The following FRMD4B variants were observed in gnomAD, a reference collection of about 807,000 sequenced individuals.
FRMD4B encodes FERM domain containing 4B.
FRMD4B carries 74 observed loss-of-function variants against 141.5 expected under a neutral mutation model. The ratio of observed to expected loss-of-function variants is 0.52; its 90% CI spans 0.43 to 0.63. The LOEUF (loss-of-function observed/expected upper bound fraction) is 0.63. Ranked by LOEUF, FRMD4B falls within the 30% of genes least tolerant of loss-of-function variation. The pLI, the probability that FRMD4B is intolerant of heterozygous loss-of-function variation, is 0.00. For synonymous variants in FRMD4B, 506 were observed against 467.9 expected (o/e 1.08, Z -1.05); for missense variants, 1,366 against 1,253.4 (o/e 1.09, Z -1.36).
chr3:69,473,597 A>G (rs188070656), intron 1 of FRMD4B, among the ~76,000 whole-genome samples: 37 of 152,260 alleles, frequency 2.4e-4, no homozygotes, highest in South Asian at 6.2e-4. Flanking sequence ...ATCCAAGTAT[A>G]TATACTTTTA....
chr3:69,216,275 C>A lies in FRMD4B; in HGVS notation c.864G>T (p.Val288=). The A allele has an allele frequency of 6.5e-7, 1 of 1,546,092 alleles. No homozygotes were observed. Among genetic ancestry groups the A allele is most frequent in the Non-Finnish European group, 8.9e-7 (1 of 1,128,690 alleles). ...GATCCACACTTACCTTCCGAGGCTT[C>A]ACCTTGTCTTGTATATCATATTGGC... is the stretch of plus-strand genomic sequence containing the variant. ...GIGQYDIQDK[V]KPRKLFQWKQ... Residue 288 remains valine (V), a synonymous_variant, in exon 11 of 23, where the codon GTG becomes GTT. Coordinates refer to ENST00000398540, the MANE Select transcript of FRMD4B (RefSeq NM_015123.3).
At chr3:69,418,757 G>C (rs1306361995) in intron 2 of FRMD4B, among the ~76,000 whole-genome samples, 1 of 152,096 alleles carries the variant, frequency 6.6e-6, no homozygotes, top group Non-Finnish European at 1.5e-5. Flanking sequence ...CTTAATTTCA[G>C]CCTGGTAAGA....
chr3:69,427,956 GC>G (rs1705115088), intron 2 of FRMD4B, among the ~76,000 whole-genome samples: 1 of 152,026 alleles, frequency 6.6e-6, no homozygotes, highest in Non-Finnish European at 1.5e-5. Flanking sequence ...ACCACGCCCA[GC>G]CAAGAAGCTA....
intron 1 of FRMD4B, among the ~76,000 whole-genome samples, chr3:69,533,053 G>A (rs1444667373): frequency 6.6e-6 from 1 of 152,218 alleles, no homozygotes; most frequent in Non-Finnish European, 1.5e-5. Flanking sequence ...TTGAGGGGCA[G>A]TTTTACAATG....
At chr3:69,385,236 T>G (rs1264619992) in intron 1 of FRMD4B, among the ~76,000 whole-genome samples, 1 of 152,082 alleles carries the variant, frequency 6.6e-6, no homozygotes, top group Non-Finnish European at 1.5e-5. Flanking sequence ...TTCCAACGTG[T>G]AGCCGGGCCA....
intron 1 of FRMD4B, among the ~76,000 whole-genome samples, chr3:69,499,025 T>C (rs1706449949): frequency 6.6e-6 from 1 of 152,196 alleles, no homozygotes; most frequent in Non-Finnish European, 1.5e-5. Context: ...TTAGAAAGGA[T>C]ACTTGTTAAT....
chr3:69,249,971 C>T, intron 6 of FRMD4B, 72 bp downstream of exon 6: 2 of 979,000 alleles, frequency 2.0e-6, no homozygotes, highest in East Asian at 2.4e-5. Context: ...GCAAAAGTTT[C>T]AGAGTTGCAG....
At chr3:69,529,587 G>A (rs1336579933) in intron 1 of FRMD4B, among the ~76,000 whole-genome samples, 1 of 152,092 alleles carries the variant, frequency 6.6e-6, no homozygotes, top group Non-Finnish European at 1.5e-5. Flanking sequence ...AAGGGCAGGA[G>A]CCTTATCCCT....
intron 5 of FRMD4B, among the ~76,000 whole-genome samples, chr3:69,278,721 G>C (rs1245665771): frequency 1.3e-5 from 2 of 152,182 alleles, no homozygotes; most frequent in Non-Finnish European, 2.9e-5. Context: ...GAAGTAGCTG[G>C]GACTACAGGC....
intron 4 of FRMD4B, among the ~76,000 whole-genome samples, chr3:69,301,705 G>A (rs1037286831): frequency 6.6e-6 from 1 of 152,208 alleles, no homozygotes; most frequent in Admixed American, 6.5e-5. Flanking sequence ...AGATGGATTT[G>A]AGAAATTACT....
Position 69,377,499 on chromosome 3 carries a change from C to A in FRMD4B, c.162+8329G>T, listed in dbSNP as rs111657026. 5.8e-4 allele frequency among the ~76,000 whole-genome samples: 88 copies of A among 152,292 alleles called. 2 individuals are homozygous for A. Among genetic ancestry groups the A allele is most frequent in the Middle Eastern group, 6.8e-3 (2 of 294 alleles). On this transcript the variant is annotated intron_variant, in intron 1 of 22. Transcript: ENST00000398540. Reference sequence around the variant, plus strand: ...TCCTAGCACCTGTTGGGGAGGCACCCGTAGAAGGTGCTTGATGTGTTGCCC... The same window carrying A: ...TCCTAGCACCTGTTGGGGAGGCACCAGTAGAAGGTGCTTGATGTGTTGCCC...
chr3:69,368,309 C>T (rs1703726020), intron 1 of FRMD4B, among the ~76,000 whole-genome samples: 1 of 152,202 alleles, frequency 6.6e-6, no homozygotes, highest in Non-Finnish European at 1.5e-5. Flanking sequence ...CTCCAATATC[C>T]TTAGCTCCCA....
chr3:69,413,947 T>G (rs1461398837), intron 2 of FRMD4B, among the ~76,000 whole-genome samples: 1 of 152,222 alleles, frequency 6.6e-6, no homozygotes, highest in East Asian at 1.9e-4. Flanking sequence ...TTCCATGCCT[T>G]TGGGGATTTG....
intron 7 of FRMD4B, among the ~76,000 whole-genome samples, chr3:69,229,406 G>A (rs1454659959): frequency 1.3e-5 from 2 of 152,024 alleles, no homozygotes; most frequent in Non-Finnish European, 2.9e-5. Flanking sequence ...TCCAAATCTG[G>A]TCGTTTGTAC....
chr3:69,487,126 G>T (rs1200484435), intron 1 of FRMD4B, among the ~76,000 whole-genome samples: 7 of 152,102 alleles, frequency 4.6e-5, no homozygotes, highest in Non-Finnish European at 1.0e-4. Flanking sequence ...ATGTGATTTT[G>T]CATGTACTGA....
chr3:69,530,727 A>G (rs1700998939), intron 1 of FRMD4B, among the ~76,000 whole-genome samples: 2 of 152,318 alleles, frequency 1.3e-5, no homozygotes, highest in African/African-American at 4.8e-5. Context: ...CTGCTTAATC[A>G]TAATGCAGAA....
At chr3:69,328,288 T>C (rs1433834015) in intron 1 of FRMD4B, among the ~76,000 whole-genome samples, 1 of 152,248 alleles carries the variant, frequency 6.6e-6, no homozygotes, top group Non-Finnish European at 1.5e-5. Context: ...CTTGTGGTTA[T>C]TGAATCTGCA....
At chr3:69,183,516 T>C (rs1410977012) in intron 19 of FRMD4B, among the ~76,000 whole-genome samples, 1 of 143,014 alleles carries the variant, frequency 7.0e-6, no homozygotes, top group Non-Finnish European at 1.5e-5. Context: ...TGAGTCTTGC[T>C]CTGTCGCCCA....
chr3:69,448,089 T>TTGCGATCTCGGATCAC (rs1483523853), intron 1 of FRMD4B, among the ~76,000 whole-genome samples: 1 of 151,838 alleles, frequency 6.6e-6, no homozygotes. Flanking sequence ...GAGTGCAGTG[T>TTGCGATCTCGGATCAC]TGCGATCTCG....
Sources: gnomAD v4.1 joint callset for allele counts (sites outside exome capture counted in the v4.1 genomes callset) on GRCh38, gnomAD v4.1.1 for gene constraint, MANE v1.5 for transcripts, NCBI Gene and HGNC (gene_info 2026-07-23, HGNC 2026-07-21) for gene names.